The following ELAC1 variants were observed in gnomAD, a reference collection of about 807,000 sequenced individuals.
ELAC1 encodes the protein elaC ribonuclease Z 1, also known as zinc phosphodiesterase ELAC protein 1.
Under a neutral mutation model 25.8 loss-of-function variants are expected in ELAC1, and 19 were observed. The observed-to-expected ratio is 0.74, with a 90% confidence interval of 0.51 to 1.08. ELAC1 has a LOEUF of 1.08. ELAC1 is among the 50% of genes least tolerant of loss of function. The probability of loss-of-function intolerance (pLI) is 0.00; values close to 1 mark genes in which losing one functional copy is unlikely to be tolerated. For synonymous variants in ELAC1, 148 were observed against 160.9 expected, an observed-to-expected ratio of 0.92 and a Z score of 0.61; for missense variants, 403 against 434.6, an observed-to-expected ratio of 0.93 and a Z score of 0.65.
At chr18:50,981,072 C>T (rs1389297930) in intron 2 of ELAC1, among the ~76,000 whole-genome samples, 2 of 151,310 alleles carry the variant, frequency 1.3e-5, no homozygotes, top group Non-Finnish European at 1.5e-5. Flanking sequence ...ACTAATTATC[C>T]CTCACCACAC....
intron 2 of ELAC1, among the ~76,000 whole-genome samples, chr18:50,982,675 A>G (rs1907985483): frequency 6.6e-6 from 1 of 152,252 alleles, no homozygotes; most frequent in African/African-American, 2.4e-5. Context: ...ACCTAAGCCA[A>G]TATGCACTGA....
At chr18:50,972,777 C>T (rs1367566297) in intron 1 of ELAC1, among the ~76,000 whole-genome samples, 1 of 152,184 alleles carries the variant, frequency 6.6e-6, no homozygotes, top group Non-Finnish European at 1.5e-5. Flanking sequence ...GCCACCGTGC[C>T]CGGCCTATTC....
At chr18:50,985,892 T>G (rs1480690975) in intron 3 of ELAC1, among the ~76,000 whole-genome samples, 1 of 152,098 alleles carries the variant, frequency 6.6e-6, no homozygotes, top group African/African-American at 2.4e-5. Context: ...CCAAGAAGAC[T>G]AATAATGTAC....
rs1162107907 is a variant in ELAC1, at chr18:50,987,723, C to CT, written c.*639dup. 6.6e-6 allele frequency: 1 copy of CT among 152,190 alleles called. No homozygotes were observed. Among genetic ancestry groups the CT allele is most frequent in the African/African-American group, 2.4e-5 (1 of 41,436 alleles). The allele number at this position is 152,190 out of a possible 1,614,324, so 9.4% of individuals were successfully genotyped here. A position where few individuals can be genotyped will look rare whatever the true frequency, so the allele number is the denominator to read the frequency against. On this transcript the variant is annotated 3_prime_UTR_variant, in exon 4 of 4. Coordinates refer to ENST00000269466, the MANE Select transcript of ELAC1 (RefSeq NM_018696.3). ...TGGGTATGTTTTCTTGTCACAGTGA[C>CT]TGAGTACGGTGGTGGTAGTGGTGGT...
chr18:50,985,141 C>T (rs1283368896), intron 3 of ELAC1, among the ~76,000 whole-genome samples: 1 of 152,196 alleles, frequency 6.6e-6, no homozygotes, highest in African/African-American at 2.4e-5. Context: ...TCACCTTATA[C>T]TATCTTGGTT....
intron 1 of ELAC1, 63 bp from the exon 2 acceptor site, chr18:50,974,334 T>C (rs1428686689): frequency 1.4e-6 from 2 of 1,420,688 alleles, no homozygotes; most frequent in Non-Finnish European, 1.9e-6. Context: ...GAGATAAATA[T>C]TACAGGAATA....
chr18:50,985,466 C>G (rs1908082656), intron 3 of ELAC1, among the ~76,000 whole-genome samples: 1 of 152,258 alleles, frequency 6.6e-6, no homozygotes, highest in Non-Finnish European at 1.5e-5. Flanking sequence ...CACACCTCCT[C>G]TATGCTAAGC....
chr18:50,983,611 G>T (rs912185959), intron 2 of ELAC1, among the ~76,000 whole-genome samples: 4 of 151,960 alleles, frequency 2.6e-5, no homozygotes, highest in African/African-American at 9.7e-5. Context: ...CACTTTGGGA[G>T]GCCAAGGTGG....
At chr18:50,971,910 G>A (rs113233453) in intron 1 of ELAC1, among the ~76,000 whole-genome samples, 5,999 of 62,930 alleles carry the variant, frequency 0.095, 323 homozygotes, top group African/African-American at 0.2. Context: ...GTGTGTGTGT[G>A]TGTATATATA....
At position 50,984,081 on chromosome 18, in the gene ELAC1, T is replaced by C; in HGVS notation, c.158-15T>C. 1 of 1,542,270 alleles carries C rather than the reference T, an allele frequency of 6.5e-7. No homozygotes were observed. The highest frequency in any genetic ancestry group is 8.8e-7 in the Non-Finnish European group (1 of 1,141,432). ...TGAAAAATTTCCAAACGTATTTCTC[T>C]ATCTCAATCAAAAGGGAGAATTACC... On this transcript the variant is annotated splice_polypyrimidine_tract_variant and intron_variant, in intron 2 of 3. Transcript: ENST00000269466.
At chr18:50,974,339 G>A in intron 1 of ELAC1, 58 bp from the exon 2 acceptor site, 1 of 1,430,862 alleles carries the variant, frequency 7.0e-7, no homozygotes, top group Non-Finnish European at 9.3e-7. Flanking sequence ...AAATATTACA[G>A]GAATATGTTT....
At chr18:50,976,520 G>T (rs761873074) in intron 2 of ELAC1, among the ~76,000 whole-genome samples, 1 of 152,130 alleles carries the variant, frequency 6.6e-6, no homozygotes, top group Non-Finnish European at 1.5e-5. Flanking sequence ...ATTCACTGTC[G>T]TGAGAACAGC....
Position 50,986,761 on chromosome 18 carries a change from G to A in ELAC1, c.768G>A (p.Gly256=), listed in dbSNP as rs769332518. 3 of 1,614,080 alleles carry A rather than the reference G, an allele frequency of 1.9e-6. No individual in the cohort carries two copies. The highest frequency in any genetic ancestry group is 2.7e-5 in the African/African-American group (2 of 74,928). The part of the protein sequence containing the change: ...RKICILGDCS[G]VVGDGGVKLC... ...TCTGCATATTGGGTGACTGCTCTGG[G>A]GTTGTGGGTGATGGAGGAGTAAAAC... Residue 256 remains glycine, a synonymous_variant, in exon 4 of 4, where the codon GGG becomes GGA. Coordinates refer to ENST00000269466, the MANE Select transcript of ELAC1 (RefSeq NM_018696.3).
At chr18:50,984,781 A>C in intron 3 of ELAC1, 1 of 581,084 alleles carries the variant, frequency 1.7e-6, no homozygotes, top group Non-Finnish European at 3.0e-6. Context: ...AAAATACAAA[A>C]AGTAACTGGG....
At chr18:50,984,751 G>A in intron 3 of ELAC1, 188 bp downstream of exon 3, 1 of 597,642 alleles carries the variant, frequency 1.7e-6, no homozygotes, top group Non-Finnish European at 3.0e-6. Context: ...GGGCAACATG[G>A]CGAAACCCCA....
Position 50,986,959 on chromosome 18 carries a change from C to G in ELAC1, c.966C>G (p.Ala322=). ...THFSQRYKPV[A]LAREGETDGI... Reference sequence around the variant, plus strand: ...TCAGTCAGAGGTACAAACCAGTTGCCTTGGCCAGAGAAGGAGAAACAGATG... The same window carrying G: ...TCAGTCAGAGGTACAAACCAGTTGCGTTGGCCAGAGAAGGAGAAACAGATG... Residue 322 remains alanine, a synonymous_variant, in exon 4 of 4, where the codon GCC becomes GCG. Transcript: ENST00000269466. 1 of 1,613,986 alleles carries G rather than the reference C, an allele frequency of 6.2e-7. No homozygotes were observed.
intron 2 of ELAC1, among the ~76,000 whole-genome samples, chr18:50,981,843 CTTTTTTTTT>C (rs750956755): frequency 5.1e-5 from 6 of 117,872 alleles, no homozygotes; most frequent in Non-Finnish European, 8.9e-5. Context: ...TGCTATAGTT[CTTTTTTTTT>C]TTTTTTTTTT....
chr18:50,982,837 CCCT>C (rs762271774), intron 2 of ELAC1, among the ~76,000 whole-genome samples: 3 of 152,128 alleles, frequency 2.0e-5, no homozygotes, highest in South Asian at 2.1e-4. Context: ...CCTCCCTTCT[CCCT>C]CCTCCTTTTC....
At chr18:50,972,983 C>G (rs917236700) in intron 1 of ELAC1, among the ~76,000 whole-genome samples, 4 of 152,182 alleles carry the variant, frequency 2.6e-5, no homozygotes, top group Admixed American at 2.6e-4. Flanking sequence ...TCTACATTAG[C>G]TTAGGAAGGA....
Sources: gnomAD v4.1 joint callset for allele counts (sites outside exome capture counted in the v4.1 genomes callset) on GRCh38, gnomAD v4.1.1 for gene constraint, MANE v1.5 for transcripts, NCBI Gene and HGNC (gene_info 2026-07-23, HGNC 2026-07-21) for gene names.